The following ARHGAP26 variants were observed in gnomAD, a reference collection of about 807,000 sequenced individuals.
ARHGAP26 encodes Rho GTPase activating protein 26.
In ARHGAP26, 38 loss-of-function variants were observed where a neutral mutation model predicts 104.8. The observed-to-expected ratio is 0.36, with a 90% CI of 0.28 to 0.48. The LOEUF (loss-of-function observed/expected upper bound fraction) is 0.48, where lower values mean the gene tolerates loss of function less well. ARHGAP26 is among the 20% of genes least tolerant of loss of function. The probability of loss-of-function intolerance (pLI) is 0.99; values close to 1 mark genes in which losing one functional copy is unlikely to be tolerated. For missense variants in ARHGAP26, 704 were observed against 947.9 expected (o/e 0.74, Z 3.38); for synonymous variants, 341 against 340.0 (o/e 1.00, Z -0.03).
chr5:142,936,108 A>AAC (rs149919795), intron 11 of ARHGAP26, among the ~76,000 whole-genome samples: 15,795 of 139,692 alleles, frequency 0.11, 972 homozygotes, highest in African/African-American at 0.17. Flanking sequence ...AATCCCAAGG[A>AAC]ACACACACAC....
chr5:143,107,164 G>T (rs1794140151), intron 17 of ARHGAP26, among the ~76,000 whole-genome samples: 1 of 152,158 alleles, frequency 6.6e-6, no homozygotes, highest in Non-Finnish European at 1.5e-5. Context: ...TCGGTATTGG[G>T]TGTGAGCATA....
At position 143,163,432 on chromosome 5, in the gene ARHGAP26, G is replaced by GGATT. The variant is rs368507783; in HGVS notation, c.1988+16052_1988+16053insATTG. On this transcript the variant is annotated intron_variant, in intron 20 of 22. Transcript: ENST00000645722. ...TGTGAGTTGGGTAGAAGGAGTTCTA[G>GGATT]GTTTGTTTGTTTGTTTGTTTGTTTG... Among the ~76,000 whole-genome samples the GGATT allele has an allele frequency of 3.6e-3, 542 of 150,716 alleles. 3 individuals are homozygous for GGATT. The highest frequency in any genetic ancestry group is 0.013 in the African/African-American group (523 of 40,772).
chr5:142,984,099 G>A lies in ARHGAP26; in HGVS notation c.1108-29981G>A, dbSNP rs1342355595. Among the ~76,000 whole-genome samples the A allele has an allele frequency of 2.0e-5, 3 of 152,198 alleles. No homozygotes were observed. The East Asian group carries it at 5.8e-4, about 29-fold the overall frequency. ...AGTGAGGAGGATCCTTTAGGATGTAGGCTTTTGTCTTCCTTGTAGGCTGCT... is the reference window on the plus strand; with the variant it reads ...AGTGAGGAGGATCCTTTAGGATGTAAGCTTTTGTCTTCCTTGTAGGCTGCT... On this transcript the variant is annotated intron_variant, in intron 11 of 22. Transcript: ENST00000645722.
intron 19 of ARHGAP26, 53 bp downstream of exon 19, chr5:143,134,158 CCT>C: frequency 6.4e-7 from 1 of 1,554,728 alleles, no homozygotes; most frequent in Non-Finnish European, 8.7e-7. Flanking sequence ...TCCCATGCTA[CCT>C]GCACGGCTCA....
intron 1 of ARHGAP26, among the ~76,000 whole-genome samples, chr5:142,827,931 T>C (rs1767616081): frequency 3.3e-5 from 5 of 152,070 alleles, no homozygotes; most frequent in Admixed American, 3.3e-4. Flanking sequence ...TTAAATACTG[T>C]TGTTTATGCT....
chr5:142,924,928 G>A (rs1284372445), intron 10 of ARHGAP26, among the ~76,000 whole-genome samples: 2 of 152,130 alleles, frequency 1.3e-5, no homozygotes, highest in Non-Finnish European at 2.9e-5. Flanking sequence ...CTTCATTGTT[G>A]GTCTTAATGC....
At position 143,092,862 on chromosome 5, in the gene ARHGAP26, T is replaced by TTAGGCAATTTTCC. The variant is rs553954463; in HGVS notation, c.1539-28123_1539-28111dup. 1.9e-3 allele frequency among the ~76,000 whole-genome samples: 293 copies of TTAGGCAATTTTCC among 152,336 alleles called. 2 individuals carry two copies. The highest frequency in any genetic ancestry group is 6.8e-3 in the African/African-American group (284 of 41,584). On this transcript the variant is annotated intron_variant, in intron 17 of 22. Transcript: ENST00000645722. ...CTCCCACGTCTGAGCAGACCAATTA[T>TTAGGCAATTTTCC]TAGGCAATTTTCCTAACTCTGCTTC... is the stretch of plus-strand genomic sequence containing the variant.
chr5:142,780,814 C>T (rs529192776), intron 1 of ARHGAP26, among the ~76,000 whole-genome samples: 1 of 152,268 alleles, frequency 6.6e-6, no homozygotes, highest in African/African-American at 2.4e-5. Flanking sequence ...CTAGGGGACA[C>T]GTTGCCTATC....
chr5:142,918,227 C>T (rs748158138), intron 10 of ARHGAP26, among the ~76,000 whole-genome samples: 19 of 151,866 alleles, frequency 1.3e-4, no homozygotes, highest in Non-Finnish European at 2.6e-4. Context: ...GCTCACTGCA[C>T]CATCTGCCTC....
chr5:142,827,810 C>T (rs1168652341), intron 1 of ARHGAP26, among the ~76,000 whole-genome samples: 1 of 152,186 alleles, frequency 6.6e-6, no homozygotes, highest in Admixed American at 6.5e-5. Context: ...AATGCACATA[C>T]CCTTAGTGTT....
At chr5:143,175,596 A>G (rs563284124) in intron 20 of ARHGAP26, among the ~76,000 whole-genome samples, 7 of 152,118 alleles carry the variant, frequency 4.6e-5, no homozygotes, top group Non-Finnish European at 1.0e-4. Context: ...TCTAATAAAC[A>G]GCCCTTCTCA....
chr5:142,796,997 T>C (rs1011603486), intron 1 of ARHGAP26, among the ~76,000 whole-genome samples: 3 of 152,228 alleles, frequency 2.0e-5, no homozygotes, highest in Admixed American at 6.5e-5. Flanking sequence ...TGGTTGGCTA[T>C]ATCATCTGTG....
rs1270832666 is a variant in ARHGAP26, at chr5:143,046,307, A to AC, written c.1285+4417_1285+4418insC. Among the ~76,000 whole-genome samples the AC allele has an allele frequency of 3.3e-5, 5 of 152,352 alleles. 1 individual carries two copies. In the South Asian group the frequency reaches 6.2e-4, roughly 19 times the overall value. ...TGACAGAGCAAGACTCAGTCTCAAA[A>AC]AAAAAGGCTGAGAATTAAGCAAAAC... is the stretch of plus-strand genomic sequence containing the variant. On this transcript the variant is annotated intron_variant, in intron 14 of 22. Transcript: ENST00000645722.
chr5:143,126,287 G>A (rs1796721392), intron 18 of ARHGAP26, among the ~76,000 whole-genome samples: 1 of 152,210 alleles, frequency 6.6e-6, no homozygotes, highest in East Asian at 1.9e-4. Flanking sequence ...TGGCATGGTT[G>A]TGAAAGACTG....
chr5:142,844,042 TA>T (rs1771367294), intron 1 of ARHGAP26, among the ~76,000 whole-genome samples: 1 of 149,214 alleles, frequency 6.7e-6, no homozygotes, highest in African/African-American at 2.5e-5. Flanking sequence ...ACATGTGAGC[TA>T]AAAGTGAGTT....
In ARHGAP26 at chr5:143,226,547, GC is replaced by G. The variant is rs1433381963; in HGVS notation, c.*4106del. ...AGAAGACAGCTGGTTTCAAATCCCT[GC>G]CCCCAGGCAAGTAAAACCCTGACTT... On this transcript the variant is annotated 3_prime_UTR_variant, in exon 23 of 23. Transcript: ENST00000645722. 3 of 196,346 alleles carry G rather than the reference GC, an allele frequency of 1.5e-5. No homozygotes were observed. Among genetic ancestry groups the G allele is most frequent in the Non-Finnish European group, 3.1e-5 (3 of 95,956 alleles). 12.2% of individuals were successfully genotyped at this position (196,346 alleles called of 1,614,324 possible).
chr5:143,193,185 G>A (rs1806197305), intron 20 of ARHGAP26, among the ~76,000 whole-genome samples: 1 of 148,998 alleles, frequency 6.7e-6, no homozygotes, highest in African/African-American at 2.5e-5. Context: ...TAGTTGTTTA[G>A]TAGCTACCTC....
chr5:142,794,783 G>A (rs1018112183), intron 1 of ARHGAP26, among the ~76,000 whole-genome samples: 1 of 152,188 alleles, frequency 6.6e-6, no homozygotes, highest in African/African-American at 2.4e-5. Context: ...ATGCCACAGA[G>A]TTCTGTAATA....
intron 19 of ARHGAP26, among the ~76,000 whole-genome samples, chr5:143,136,970 T>C (rs246603): frequency 0.45 from 68,155 of 152,044 alleles, 15,922 homozygotes; most frequent in Middle Eastern, 0.52. Flanking sequence ...CAAATGCCAG[T>C]CATGTACATA....
Sources: allele counts gnomAD v4.1 joint callset (sites outside exome capture counted in the v4.1 genomes callset), GRCh38; gene constraint gnomAD v4.1.1; transcripts MANE v1.5; gene names NCBI Gene and HGNC (gene_info 2026-07-23, HGNC 2026-07-21).